The following ANKS1B variants were observed in gnomAD, a reference collection of about 807,000 sequenced individuals.
ANKS1B encodes ankyrin repeat and sterile alpha motif domain containing 1B, also known as ankyrin repeat and sterile alpha motif domain-containing protein 1B.
In ANKS1B, 36 loss-of-function variants were observed where a neutral mutation model predicts 148.3. That is an observed-to-expected ratio of 0.24 (90% confidence interval 0.19 to 0.32). The LOEUF (loss-of-function observed/expected upper bound fraction) is 0.32. Ranked by LOEUF, ANKS1B falls within the 10% of genes least tolerant of loss-of-function variation. The pLI is 1.00. For missense variants in ANKS1B, 1,157 were observed against 1,542.6 expected, an observed-to-expected ratio of 0.75 and a Z score of 4.19; for synonymous variants, 542 against 560.8, an observed-to-expected ratio of 0.97 and a Z score of 0.47.
chr12:99,140,256 G>A (rs181730380), intron 15 of ANKS1B, among the ~76,000 whole-genome samples: 2 of 152,282 alleles, frequency 1.3e-5, no homozygotes, highest in East Asian at 1.9e-4. Context: ...AGTTCTTTGA[G>A]TGTCCATGTA....
rs897827984 is a variant in ANKS1B, at chr12:99,310,500, G to A, written c.1757-63636C>T. The stretch of plus-strand genomic sequence containing the variant: ...AAAGGCTGTCCCTCTTTCTATTAGC[G>A]AGGATTCTTCCTACTTGACTACCTT... On this transcript the variant is annotated intron_variant, in intron 12 of 26. Transcript: ENST00000683438. 7.2e-5 allele frequency among the ~76,000 whole-genome samples: 11 copies of A among 152,116 alleles called. No homozygotes were observed. In the South Asian group the frequency reaches 2.1e-3, roughly 29 times the overall value.
intron 1 of ANKS1B, among the ~76,000 whole-genome samples, chr12:99,885,750 T>C (rs1414157596): frequency 6.6e-6 from 1 of 152,132 alleles, no homozygotes; most frequent in African/African-American, 2.4e-5. Flanking sequence ...CCCTTACCCC[T>C]CTTCTACTCT....
intron 8 of ANKS1B, among the ~76,000 whole-genome samples, chr12:99,731,413 C>CCTGTGTGTGTGTGTGT (rs1237223581): frequency 3.0e-4 from 43 of 143,832 alleles, no homozygotes; most frequent in East Asian, 1.7e-3. Context: ...ACCACCGTGC[C>CCTGTGTGTGTGTGTGT]GTGTGTGTGT....
chr12:99,408,193 T>C (rs536110194), intron 11 of ANKS1B, among the ~76,000 whole-genome samples: 2 of 145,490 alleles, frequency 1.4e-5, no homozygotes, highest in African/African-American at 5.2e-5. Flanking sequence ...GGAACAAATC[T>C]ATACACTGAC....
chr12:99,623,759 AC>A (rs1372260749), intron 9 of ANKS1B, among the ~76,000 whole-genome samples: 1 of 152,152 alleles, frequency 6.6e-6, no homozygotes, highest in Non-Finnish European at 1.5e-5. Context: ...CATAGATGAC[AC>A]AAACAAATGG....
intron 10 of ANKS1B, among the ~76,000 whole-genome samples, chr12:99,450,972 C>CA (rs1284743905): frequency 3.3e-5 from 5 of 152,076 alleles, no homozygotes; most frequent in Non-Finnish European, 7.4e-5. Context: ...ATATAATTTA[C>CA]AAAAAATACC....
At chr12:98,834,389 C>T (rs1453739144) in intron 17 of ANKS1B, among the ~76,000 whole-genome samples, 1 of 152,170 alleles carries the variant, frequency 6.6e-6, no homozygotes, top group Non-Finnish European at 1.5e-5. Flanking sequence ...AAATGTCCTT[C>T]CTAAGCACAC....
Position 99,577,267 on chromosome 12 carries a change from G to A in ANKS1B, c.1273-72626C>T, listed in dbSNP as rs74671561. Among the ~76,000 whole-genome samples the A allele has an allele frequency of 3.3e-3, 495 of 149,366 alleles. 26 individuals are homozygous for A. The East Asian group carries it at 0.089, about 27-fold the overall frequency. On this transcript the variant is annotated intron_variant, in intron 9 of 26. Coordinates refer to ENST00000683438, the MANE Select transcript of ANKS1B (RefSeq NM_001352186.2). ...ACAAATGTCTTAAACATTTCTCCTT[G>A]TCATTAAAAACTCTCTGTTCACATC...
intron 17 of ANKS1B, among the ~76,000 whole-genome samples, chr12:98,835,126 T>TTATTATTAC (rs1318724124): frequency 6.9e-6 from 1 of 143,952 alleles, no homozygotes; most frequent in Non-Finnish European, 1.5e-5. Context: ...ATTATTATTA[T>TTATTATTAC]TTACAAAACT....
intron 10 of ANKS1B, among the ~76,000 whole-genome samples, chr12:99,448,271 A>T (rs1041036474): frequency 2.0e-5 from 3 of 152,114 alleles, no homozygotes; most frequent in African/African-American, 4.8e-5. Flanking sequence ...ATGCTGCCTT[A>T]AAAAAGAAGG....
intron 12 of ANKS1B, among the ~76,000 whole-genome samples, chr12:99,364,400 T>C (rs1376115250): frequency 1.3e-5 from 2 of 152,222 alleles, no homozygotes; most frequent in African/African-American, 4.8e-5. Context: ...TTGTCATATG[T>C]CCCATGCCTA....
chr12:98,774,455 T>C (rs923007548), intron 24 of ANKS1B, among the ~76,000 whole-genome samples: 1 of 152,244 alleles, frequency 6.6e-6, no homozygotes, highest in Non-Finnish European at 1.5e-5. Context: ...CGAAGCAGCT[T>C]GGCTGCAAAC....
At chr12:99,662,925 A>T (rs2098484701) in intron 8 of ANKS1B, among the ~76,000 whole-genome samples, 2 of 151,952 alleles carry the variant, frequency 1.3e-5, no homozygotes, top group African/African-American at 4.8e-5. Context: ...AGCTCTTTAA[A>T]TTCTTCTCCT....
intron 26 of ANKS1B, among the ~76,000 whole-genome samples, chr12:98,750,697 G>C (rs533875455): frequency 6.6e-6 from 1 of 152,340 alleles, no homozygotes; most frequent in African/African-American, 2.4e-5. Flanking sequence ...TACTACCAGA[G>C]GAGGCCGCTT....
intron 17 of ANKS1B, among the ~76,000 whole-genome samples, chr12:98,832,524 T>C (rs145047464): frequency 4.5e-3 from 685 of 152,256 alleles, no homozygotes; most frequent in Admixed American, 7.1e-3. Flanking sequence ...ATCCAGGATA[T>C]GCAGTCATGC....
intron 26 of ANKS1B, among the ~76,000 whole-genome samples, chr12:98,747,067 G>A (rs1275744217): frequency 6.6e-6 from 1 of 152,114 alleles, no homozygotes; most frequent in Non-Finnish European, 1.5e-5. Flanking sequence ...AGAGACAAAT[G>A]GAATTACATC....
At chr12:99,516,307 T>C (rs547588523) in intron 9 of ANKS1B, among the ~76,000 whole-genome samples, 1 of 152,280 alleles carries the variant, frequency 6.6e-6, no homozygotes, top group Admixed American at 6.5e-5. Context: ...AAGTCTTTAA[T>C]CTATTTTCAT....
At chr12:99,714,043 T>G (rs947173453) in intron 8 of ANKS1B, among the ~76,000 whole-genome samples, 12 of 152,232 alleles carry the variant, frequency 7.9e-5, no homozygotes, top group African/African-American at 2.9e-4. Context: ...TTTATGAGTC[T>G]TACATGACTA....
chr12:99,155,049 T>A, intron 14 of ANKS1B: 1 of 1,535,054 alleles, frequency 6.5e-7, no homozygotes, highest in Non-Finnish European at 8.7e-7. Context: ...CAAACCAAAG[T>A]GCTTAAATCT....
Sources: gnomAD v4.1 joint callset for allele counts (sites outside exome capture counted in the v4.1 genomes callset) on GRCh38, gnomAD v4.1.1 for gene constraint, MANE v1.5 for transcripts, NCBI Gene and HGNC (gene_info 2026-07-23, HGNC 2026-07-21) for gene names.